The following EFR3A variants were observed in gnomAD, a reference collection of about 807,000 sequenced individuals.
The protein encoded by EFR3A is protein EFR3 homolog A.
In EFR3A, 76 loss-of-function variants were observed where a neutral mutation model predicts 104.4. That is an observed-to-expected ratio of 0.73 (90% CI 0.60 to 0.88). The LOEUF (loss-of-function observed/expected upper bound fraction) is 0.88. Among genes scored for constraint, EFR3A ranks in the 40% least tolerant of loss-of-function variants. The pLI, the probability that EFR3A is intolerant of heterozygous loss-of-function variation, is 0.00. For synonymous variants in EFR3A, 330 were observed against 330.0 expected (o/e 1.00, Z 0.00); for missense variants, 985 against 1,012.5 (o/e 0.97, Z 0.37).
In EFR3A at chr8:132,011,213, A is replaced by C. The variant is rs540320234; in HGVS notation, c.*318A>C. 1 of 1,018,784 alleles carries C rather than the reference A, an allele frequency of 9.8e-7. No individual in the cohort carries two copies. Among genetic ancestry groups the C allele is most frequent in the Admixed American group, 5.3e-5 (1 of 18,986 alleles). The allele number at this position is 1,018,784 out of a possible 1,614,324, so 63.1% of individuals were successfully genotyped here. On this transcript the variant is annotated 3_prime_UTR_variant, in exon 23 of 23. Coordinates refer to ENST00000254624, the MANE Select transcript of EFR3A (RefSeq NM_015137.6). ...CTTTTCACAAATGTAATGTTTTTTA[A>C]AAAGTAAGCCTTCAGAGGATTGAAA... is the stretch of plus-strand genomic sequence containing the variant.
chr8:131,992,964 T>C (rs1380226784), intron 18 of EFR3A, among the ~76,000 whole-genome samples: 5 of 152,160 alleles, frequency 3.3e-5, no homozygotes, highest in Admixed American at 6.5e-5. Context: ...GAAAGGTCTG[T>C]CAATAGGATG....
intron 1 of EFR3A, among the ~76,000 whole-genome samples, chr8:131,935,323 G>C (rs74509755): frequency 2.0e-5 from 3 of 152,032 alleles, no homozygotes; most frequent in African/African-American, 4.8e-5. Context: ...TCTGCTTTAT[G>C]CCTGACATGC....
Position 131,944,928 on chromosome 8 carries a change from T to C in EFR3A, c.215+56T>C, listed in dbSNP as rs1360351080. 18 of 1,569,478 alleles carry C rather than the reference T, an allele frequency of 1.1e-5. No individual in the cohort carries two copies. In the South Asian group the frequency reaches 1.6e-4, roughly 14 times the overall value. The stretch of plus-strand genomic sequence containing the variant: ...TCTTTGGAAAATTCTTTCTAGACTT[T>C]TAAATCATTCTATAGATTATTTTGC... On this transcript the variant is annotated intron_variant, in intron 3 of 22. Transcript: ENST00000254624.
At chr8:131,950,362 CTCTAATCCTGCCATGTGGA>C (rs1275731324) in intron 5 of EFR3A, among the ~76,000 whole-genome samples, 1 of 152,166 alleles carries the variant, frequency 6.6e-6, no homozygotes, top group Non-Finnish European at 1.5e-5. Flanking sequence ...CCTACCTTCA[CTCTAATCCTGCCATGTGGA>C]TCTCCTTGCC....
At chr8:131,930,755 G>T (rs1304352664) in intron 1 of EFR3A, among the ~76,000 whole-genome samples, 1 of 152,014 alleles carries the variant, frequency 6.6e-6, no homozygotes, top group East Asian at 1.9e-4. Context: ...CCAGTGATAG[G>T]TCTTTATCAC....
chr8:132,004,308 C>T (rs2130810261), intron 22 of EFR3A, among the ~76,000 whole-genome samples: 1 of 152,342 alleles, frequency 6.6e-6, no homozygotes, highest in East Asian at 1.9e-4. Context: ...AACCAGGCTC[C>T]ACAGCAGGAG....
intron 13 of EFR3A, 79 bp downstream of exon 13, chr8:131,979,098 T>C (rs1224951297): frequency 4.4e-6 from 6 of 1,372,434 alleles, no homozygotes; most frequent in Non-Finnish European, 5.9e-6. Flanking sequence ...TTGTGATTTT[T>C]AAAAATCTAG....
At position 131,904,398 on chromosome 8, in the gene EFR3A, C is replaced by T. The variant is rs575393510; in HGVS notation, c.10+76C>T. 32 of 1,221,862 alleles carry T rather than the reference C, an allele frequency of 2.6e-5. No individual in the cohort carries two copies. In the East Asian group the frequency reaches 8.9e-4, roughly 34 times the overall value. 75.7% of individuals were successfully genotyped at this position (1,221,862 alleles called of 1,614,324 possible). A position where few individuals can be genotyped will look rare whatever the true frequency, so the allele number is the denominator to read the frequency against. ...ACGCGCTTGGGCCGGGTACTCCTCCCGGGCGGCTGGGGAGGCTGGGCCGCG... is the reference window on the plus strand; with the variant it reads ...ACGCGCTTGGGCCGGGTACTCCTCCTGGGCGGCTGGGGAGGCTGGGCCGCG... On this transcript the variant is annotated intron_variant, in intron 1 of 22. Transcript: ENST00000254624.
chr8:131,921,916 T>TTAA (rs1474704696), intron 1 of EFR3A, among the ~76,000 whole-genome samples: 1 of 152,192 alleles, frequency 6.6e-6, no homozygotes, highest in Non-Finnish European at 1.5e-5. Context: ...CTTATGTGTA[T>TTAA]TAGTTTTCTA....
intron 10 of EFR3A, among the ~76,000 whole-genome samples, chr8:131,973,812 A>C (rs981388398): frequency 6.6e-6 from 1 of 152,112 alleles, no homozygotes; most frequent in African/African-American, 2.4e-5. Context: ...CACTAGTTCA[A>C]ATACAAACAG....
At position 131,994,169 on chromosome 8, in the gene EFR3A, A is replaced by G. The variant is rs376140220; in HGVS notation, c.2066-2237A>G. ...AAAATGGGAGAATCACGTGAGCCCA[A>G]GAGTTTGAGGCTGCAGTGAGCTCTG... On this transcript the variant is annotated intron_variant, in intron 18 of 22. Coordinates refer to ENST00000254624, the MANE Select transcript of EFR3A (RefSeq NM_015137.6). Among the ~76,000 whole-genome samples the G allele has an allele frequency of 3.9e-3, 589 of 152,090 alleles. 7 individuals are homozygous for G. The highest frequency in any genetic ancestry group is 0.013 in the African/African-American group (549 of 41,494).
intron 22 of EFR3A, among the ~76,000 whole-genome samples, chr8:132,007,245 G>GA (rs898534281): frequency 6.6e-6 from 1 of 151,198 alleles, no homozygotes; most frequent in East Asian, 1.9e-4. Flanking sequence ...AAGTAATCAA[G>GA]AAAAAAAACC....
At chr8:131,995,859 T>G (rs1349058897) in intron 18 of EFR3A, among the ~76,000 whole-genome samples, 1 of 152,140 alleles carries the variant, frequency 6.6e-6, no homozygotes, top group East Asian at 1.9e-4. Context: ...TGGAGATGAC[T>G]GAATGGACAA....
At chr8:131,904,402 C>A in intron 1 of EFR3A, 80 bp downstream of exon 1, 2 of 1,211,110 alleles carry the variant, frequency 1.7e-6, no homozygotes, top group African/African-American at 1.6e-5. Flanking sequence ...TCCTCCCGGG[C>A]GGCTGGGGAG....
chr8:131,971,493 C>G (rs1238444251), intron 10 of EFR3A, among the ~76,000 whole-genome samples: 2 of 152,010 alleles, frequency 1.3e-5, no homozygotes, highest in African/African-American at 4.8e-5. Context: ...TCAAGACCAT[C>G]CTAGCTAACA....
At chr8:131,949,851 T>C in intron 4 of EFR3A, 118 bp from the exon 5 acceptor site, 1 of 911,152 alleles carries the variant, frequency 1.1e-6, no homozygotes, top group Non-Finnish European at 1.6e-6. Flanking sequence ...TTGTATTTGA[T>C]GTTTTGTTTG....
chr8:131,953,696 T>G, intron 5 of EFR3A, 122 bp from the exon 6 acceptor site: 1 of 969,222 alleles, frequency 1.0e-6, no homozygotes, highest in East Asian at 2.8e-5. Context: ...TGTGTTATTT[T>G]AAGATATTTT....
chr8:131,944,602 C>G (rs376340791), intron 2 of EFR3A, 143 bp from the exon 3 acceptor site: 10 of 799,382 alleles, frequency 1.3e-5, no homozygotes, highest in African/African-American at 1.1e-4. Context: ...AATGTTAGCA[C>G]TAAGGAGGTT....
chr8:131,990,003 C>T (rs1187407355), intron 18 of EFR3A, among the ~76,000 whole-genome samples: 1 of 152,156 alleles, frequency 6.6e-6, no homozygotes, highest in Non-Finnish European at 1.5e-5. Flanking sequence ...AGTAGTGTCC[C>T]CCATCTGAAT....
Sources: allele counts gnomAD v4.1 joint callset (sites outside exome capture counted in the v4.1 genomes callset), GRCh38; gene constraint gnomAD v4.1.1; transcripts MANE v1.5; gene names NCBI Gene and HGNC (gene_info 2026-07-23, HGNC 2026-07-21).